The following PADI3 variants were observed in gnomAD, a reference collection of about 807,000 sequenced individuals.
The protein encoded by PADI3 is protein-arginine deiminase type-3.
Under a neutral mutation model 71.5 loss-of-function variants are expected in PADI3, and 53 were observed. The observed-to-expected ratio is 0.74, with a 90% CI of 0.59 to 0.93. The LOEUF (loss-of-function observed/expected upper bound fraction) is 0.93, where lower values mean the gene tolerates loss of function less well. Ranked by LOEUF, PADI3 falls within the 40% of genes least tolerant of loss-of-function variation. The pLI, the probability that PADI3 is intolerant of heterozygous loss-of-function variation, is 0.00. For synonymous variants in PADI3, 361 were observed against 347.5 expected (o/e 1.04, Z -0.43); for missense variants, 821 against 868.0 (o/e 0.95, Z 0.68).
intron 13 of PADI3, 132 bp downstream of exon 13, chr1:17,277,008 C>A: frequency 1.4e-6 from 1 of 712,612 alleles, no homozygotes; most frequent in Non-Finnish European, 2.3e-6. Context: ...CTTCTCACTC[C>A]TGCCCCTGCA....
At chr1:17,277,346 C>T (rs996840851) in intron 13 of PADI3, among the ~76,000 whole-genome samples, 1 of 152,180 alleles carries the variant, frequency 6.6e-6, no homozygotes, top group Admixed American at 6.5e-5. Context: ...AGGCATGCGC[C>T]ACCACGCCCG....
rs551777907 is a variant in PADI3 at position 17,273,862 on chromosome 1, G to A, written c.1155+415G>A. Among the ~76,000 whole-genome samples the A allele has an allele frequency of 1.4e-3, 207 of 152,174 alleles. 1 individual carries two copies. Among genetic ancestry groups the A allele is most frequent in the African/African-American group, 4.8e-3 (198 of 41,524 alleles). On this transcript the variant is annotated intron_variant, in intron 10 of 15. Coordinates refer to ENST00000375460, the MANE Select transcript of PADI3 (RefSeq NM_016233.2). Reference sequence around the variant, plus strand: ...GTGTGATGTTGCGTGAGTTACTACCGCTCTCTGAGCCTCAGTTTCCTCATC... The same window carrying A: ...GTGTGATGTTGCGTGAGTTACTACCACTCTCTGAGCCTCAGTTTCCTCATC...
chr1:17,264,362 A>G (rs2073138743), intron 3 of PADI3, among the ~76,000 whole-genome samples: 1 of 149,806 alleles, frequency 6.7e-6, no homozygotes, highest in Non-Finnish European at 1.5e-5. Flanking sequence ...ACACACACAC[A>G]CGAATAATTA....
intron 14 of PADI3, 82 bp downstream of exon 14, chr1:17,280,511 G>A: frequency 1.3e-6 from 2 of 1,484,182 alleles, no homozygotes; most frequent in South Asian, 2.3e-5. Context: ...AGACATCTGA[G>A]GCTAACTGTT....
intron 5 of PADI3, among the ~76,000 whole-genome samples, chr1:17,267,380 C>T (rs1169706527): frequency 6.6e-6 from 1 of 152,178 alleles, no homozygotes; most frequent in African/African-American, 2.4e-5. Flanking sequence ...GGAGAATGAG[C>T]TGCAATATTC....
chr1:17,271,620 C>T (rs943519900), intron 9 of PADI3, among the ~76,000 whole-genome samples: 2 of 151,916 alleles, frequency 1.3e-5, no homozygotes, highest in Non-Finnish European at 2.9e-5. Context: ...ATGATTGCTA[C>T]AAAAATACCT....
intron 2 of PADI3, 48 bp downstream of exon 2, chr1:17,259,806 T>C (rs2073081451): frequency 3.3e-6 from 5 of 1,512,544 alleles, no homozygotes; most frequent in Non-Finnish European, 4.5e-6. Context: ...GGGAGGCAGC[T>C]GTCTAGCTCT....
At chr1:17,263,072 G>A (rs1216885843) in intron 3 of PADI3, among the ~76,000 whole-genome samples, 9 of 152,116 alleles carry the variant, frequency 5.9e-5, no homozygotes, top group African/African-American at 1.7e-4. Context: ...ATGCCTCCAC[G>A]CCCAGCTACT....
chr1:17,254,457 C>T (rs1362715157), intron 1 of PADI3, among the ~76,000 whole-genome samples: 1 of 152,130 alleles, frequency 6.6e-6, no homozygotes, highest in Non-Finnish European at 1.5e-5. Context: ...GGTTTGCAGG[C>T]GAGTGGGGAC....
chr1:17,265,255 C>T (rs4920585), intron 3 of PADI3, among the ~76,000 whole-genome samples: 12,079 of 151,996 alleles, frequency 0.079, 573 homozygotes, highest in South Asian at 0.19. Flanking sequence ...AGCCAGGAGG[C>T]GGCAGAACCT....
intron 1 of PADI3, among the ~76,000 whole-genome samples, chr1:17,254,482 G>A (rs1483956111): frequency 6.6e-6 from 1 of 152,214 alleles, no homozygotes; most frequent in African/African-American, 2.4e-5. Context: ...CTGGCCATGA[G>A]TCCTGGCTCT....
At chr1:17,276,478 T>C in intron 11 of PADI3, 41 bp from the exon 12 acceptor site, 1 of 1,611,222 alleles carries the variant, frequency 6.2e-7, no homozygotes, top group Non-Finnish European at 8.5e-7. Flanking sequence ...CATGGAGTCT[T>C]TTTAGTTAAG....
chr1:17,249,644 A>T (rs755431313), intron 1 of PADI3, among the ~76,000 whole-genome samples: 7 of 152,364 alleles, frequency 4.6e-5, no homozygotes, highest in Admixed American at 2.0e-4. Context: ...AATCATTTTT[A>T]AAAAATAAGT....
intron 9 of PADI3, among the ~76,000 whole-genome samples, chr1:17,272,707 A>AGGGTTGTCTCAAACTCCTG (rs1553135789): frequency 2.0e-5 from 3 of 151,956 alleles, no homozygotes; most frequent in African/African-American, 4.8e-5. Context: ...CATGTTGCCC[A>AGGGTTGTCTCAAACTCCTG]GGGTTGTCTC....
intron 15 of PADI3, among the ~76,000 whole-genome samples, chr1:17,282,581 G>A (rs1046677182): frequency 2.0e-5 from 3 of 152,184 alleles, no homozygotes; most frequent in Non-Finnish European, 4.4e-5. Flanking sequence ...GCACAAACAT[G>A]GCAGCTGCCA....
intron 1 of PADI3, among the ~76,000 whole-genome samples, chr1:17,256,572 G>A (rs1406664022): frequency 6.6e-6 from 1 of 152,344 alleles, no homozygotes; most frequent in African/African-American, 2.4e-5. Context: ...ACAGAGCCTG[G>A]CACATGGAGA....
Position 17,276,592 on chromosome 1 carries a change from C to A in PADI3, c.1381C>A (p.Leu461Ile), listed in dbSNP as rs572894812. 1 of 1,614,184 alleles carries A rather than the reference C, an allele frequency of 6.2e-7. No homozygotes were observed. The highest frequency in any genetic ancestry group is 2.2e-5 in the East Asian group (1 of 44,886). The part of the protein sequence containing the change: ...HAQKVQPPVE[L>I]FVDWLAVGHV... ...CCAGAAGGTGCAGCCCCCCGTGGAG[C>A]TCTTTGTGGACTGGTTGGCCGTGGG... Residue 461 changes from leucine (L) to isoleucine (I), a missense_variant, in exon 12 of 16, where the codon CTC (leucine) becomes ATC (isoleucine). By Grantham distance (5) the Leu-to-Ile change is conservative (BLOSUM62 2). Coordinates refer to ENST00000375460, the MANE Select transcript of PADI3 (RefSeq NM_016233.2).
chr1:17,276,662 A>C lies in PADI3; in HGVS notation c.1451A>C (p.Lys484Thr), dbSNP rs760459675. ...AGCTTTGTCCCTGCCCCCGATGGGA[A>C]GGTAAGAACTTCGTGCATGACGTGT... ...FLSFVPAPDG[K>T]GFRMLLASPG... Residue 484 changes from lysine (K) to threonine (T), a missense_variant and splice_region_variant, in exon 12 of 16, where the codon AAG (lysine) becomes ACG (threonine). Physicochemically the swap from Lys to Thr is moderately conservative, Grantham distance 78. Transcript: ENST00000375460. 6.2e-7 allele frequency: 1 copy of C among 1,613,908 alleles called. No individual in the cohort carries two copies. Among genetic ancestry groups the C allele is most frequent in the Non-Finnish European group, 8.5e-7 (1 of 1,179,952 alleles).
chr1:17,279,281 T>C (rs2073372176), intron 13 of PADI3, among the ~76,000 whole-genome samples: 1 of 152,126 alleles, frequency 6.6e-6, no homozygotes, highest in Non-Finnish European at 1.5e-5. Context: ...ATTAGACACC[T>C]CAGTGCGCCA....
Sources: gnomAD v4.1 joint callset for allele counts (sites outside exome capture counted in the v4.1 genomes callset) on GRCh38, gnomAD v4.1.1 for gene constraint, MANE v1.5 for transcripts, NCBI Gene and HGNC (gene_info 2026-07-23, HGNC 2026-07-21) for gene names.